The following JMJD1C variants were observed in gnomAD, a reference collection of about 807,000 sequenced individuals.
The protein encoded by JMJD1C is jumonji domain containing 1C.
Under a neutral mutation model 245.3 loss-of-function variants are expected in JMJD1C, and 31 were observed. The observed-to-expected ratio is 0.13, with a 90% CI of 0.09 to 0.17. The LOEUF is 0.17. JMJD1C is among the 10% of genes least tolerant of loss of function. JMJD1C has a pLI of 1.00. For missense variants in JMJD1C, 2,691 were observed against 3,000.2 expected (o/e 0.90, Z 2.41); for synonymous variants, 1,057 against 1,017.4 (o/e 1.04, Z -0.74).
intron 1 of JMJD1C, among the ~76,000 whole-genome samples, chr10:63,382,382 T>C (rs1345196269): frequency 6.6e-6 from 1 of 152,102 alleles, no homozygotes; most frequent in African/African-American, 2.4e-5. Context: ...AGGTAGTCAA[T>C]GGTACAAAGA....
intron 2 of JMJD1C, among the ~76,000 whole-genome samples, chr10:63,310,629 T>C (rs572087894): frequency 6.6e-6 from 1 of 152,278 alleles, no homozygotes; most frequent in African/African-American, 2.4e-5. Flanking sequence ...AAATTGACTA[T>C]CCTAAAATTT....
chr10:63,239,537 T>C (rs1373815985), intron 3 of JMJD1C, among the ~76,000 whole-genome samples: 1 of 152,078 alleles, frequency 6.6e-6, no homozygotes, highest in African/African-American at 2.4e-5. Context: ...CTCCGTTTCC[T>C]GGGTTCAAGC....
intron 22 of JMJD1C, among the ~76,000 whole-genome samples, chr10:63,182,225 G>A (rs72829173): frequency 0.051 from 7,784 of 152,186 alleles, 297 homozygotes; most frequent in African/African-American, 0.11. Flanking sequence ...AAAAGGTAGC[G>A]AACATCTGAA....
Position 63,208,800 on chromosome 10 carries a change from C to T in JMJD1C, c.2869G>A (p.Glu957Lys). ...TCCATAAAAGCTTTTCTTTCTAATT[C>T]TCTGTAAAGAAAATACACAAATATT... ...TKTLVDHHKE[E>K]LERKAFMEPL... is the part of the protein sequence containing the mutation. Residue 957 changes from glutamate (E) to lysine (K), a missense_variant and splice_region_variant, in exon 10 of 26, where the codon GAA becomes AAA. This residue lies in a region of JMJD1C where 1,562 missense variants were observed against 1,490.7 expected (regional missense o/e 1.05). Coordinates refer to ENST00000399262, the MANE Select transcript of JMJD1C (RefSeq NM_032776.3). 1 of 1,565,782 alleles carries T rather than the reference C, an allele frequency of 6.4e-7. No individual in the cohort carries two copies. The highest frequency in any genetic ancestry group is 8.6e-7 in the Non-Finnish European group (1 of 1,161,712).
chr10:63,176,620 A>T, intron 23 of JMJD1C, 147 bp from the exon 24 acceptor site: 1 of 631,894 alleles, frequency 1.6e-6, no homozygotes, highest in Non-Finnish European at 2.7e-6. Flanking sequence ...GTTAAAAAAT[A>T]ACATTCTGCA....
In JMJD1C at chr10:63,207,003, T is replaced by C. The variant is rs765394804; in HGVS notation, c.4666A>G (p.Thr1556Ala). The C allele has an allele frequency of 6.2e-7, 1 of 1,613,592 alleles. No individual in the cohort carries two copies. The highest frequency in any genetic ancestry group is 1.7e-5 in the Admixed American group (1 of 59,880). ...YHTKLKKAWL[T>A]RHSEEDKNTN... is the part of the protein sequence containing the mutation. Reference sequence around the variant, plus strand: ...TTTTTATCTTCTTCTGAGTGTCTGGTGAGCCAGGCCTTTTTCAGTTTAGTA... The same window carrying C: ...TTTTTATCTTCTTCTGAGTGTCTGGCGAGCCAGGCCTTTTTCAGTTTAGTA... Residue 1556 changes from threonine (T) to alanine (A), a missense_variant, in exon 10 of 26, where the codon ACC becomes GCC. Physicochemically the swap from Thr to Ala is moderately conservative, Grantham distance 58 (BLOSUM62 0). Transcript: ENST00000399262.
intron 1 of JMJD1C, among the ~76,000 whole-genome samples, chr10:63,432,150 C>G (rs976442913): frequency 6.6e-6 from 1 of 152,200 alleles, no homozygotes; most frequent in African/African-American, 2.4e-5. Flanking sequence ...CTGGCAAACT[C>G]TCCTCACTAC....
chr10:63,477,143 A>G (rs1254831511), intron 1 of JMJD1C, among the ~76,000 whole-genome samples: 1 of 152,174 alleles, frequency 6.6e-6, no homozygotes, highest in Admixed American at 6.5e-5. Flanking sequence ...AATAAGACTC[A>G]ATAAGATTCT....
intron 2 of JMJD1C, among the ~76,000 whole-genome samples, chr10:63,370,375 CTGAAG>C (rs1278740635): frequency 1.3e-5 from 2 of 152,206 alleles, no homozygotes; most frequent in African/African-American, 4.8e-5. Context: ...CAGTGCTATA[CTGAAG>C]TTTTATTTAT....
chr10:63,342,915 CA>C (rs1281906248), intron 2 of JMJD1C, among the ~76,000 whole-genome samples: 1 of 152,032 alleles, frequency 6.6e-6, no homozygotes, highest in African/African-American at 2.4e-5. Flanking sequence ...AAGGTGTATA[CA>C]AAATATAAAC....
At chr10:63,372,540 G>C (rs1564845036) in intron 2 of JMJD1C, among the ~76,000 whole-genome samples, 1 of 152,154 alleles carries the variant, frequency 6.6e-6, no homozygotes, top group African/African-American at 2.4e-5. Context: ...CCACAATTGG[G>C]TGATTCTGCT....
At chr10:63,434,155 A>T (rs1367370216) in intron 1 of JMJD1C, among the ~76,000 whole-genome samples, 1 of 152,184 alleles carries the variant, frequency 6.6e-6, no homozygotes, top group South Asian at 2.1e-4. Context: ...GGTACCCAAC[A>T]TGTACATTTT....
intron 1 of JMJD1C, among the ~76,000 whole-genome samples, chr10:63,485,657 T>C (rs142603982): frequency 6.0e-4 from 92 of 152,334 alleles, no homozygotes; most frequent in African/African-American, 1.8e-3. Context: ...GCATGTTTCA[T>C]TTCCAGGACT....
chr10:63,516,786 T>C (rs1458533413), intron 1 of JMJD1C, among the ~76,000 whole-genome samples: 1 of 152,228 alleles, frequency 6.6e-6, no homozygotes, highest in Non-Finnish European at 1.5e-5. Context: ...CACCATCTTT[T>C]TCTACCAATA....
intron 1 of JMJD1C, among the ~76,000 whole-genome samples, chr10:63,413,864 G>T (rs1387776354): frequency 6.6e-6 from 1 of 151,986 alleles, no homozygotes. Context: ...AAAGATAAAA[G>T]GTTCCTTGAT....
At chr10:63,268,764 G>C (rs1273896115) in intron 2 of JMJD1C, 2 of 984,590 alleles carry the variant, frequency 2.0e-6, no homozygotes, top group African/African-American at 3.5e-5. Context: ...TGTTCTGGAA[G>C]AGTATCTAGT....
At chr10:63,334,688 C>T (rs1046602568) in intron 2 of JMJD1C, among the ~76,000 whole-genome samples, 7 of 151,946 alleles carry the variant, frequency 4.6e-5, no homozygotes, top group Non-Finnish European at 1.0e-4. Context: ...GCCAATGCCC[C>T]CCAGCCTGGG....
At chr10:63,404,335 G>C (rs940931411) in intron 1 of JMJD1C, among the ~76,000 whole-genome samples, 1 of 152,180 alleles carries the variant, frequency 6.6e-6, no homozygotes, top group African/African-American at 2.4e-5. Context: ...AAAAAGCAGA[G>C]AGAGAAAAGA....
chr10:63,461,621 C>A (rs1952805584), intron 1 of JMJD1C, among the ~76,000 whole-genome samples: 1 of 152,188 alleles, frequency 6.6e-6, no homozygotes, highest in Non-Finnish European at 1.5e-5. Context: ...TTAAACTCTT[C>A]ATTCCCAGGA....
Sources: allele counts gnomAD v4.1 joint callset (sites outside exome capture counted in the v4.1 genomes callset), GRCh38; gene constraint gnomAD v4.1.1; regional missense constraint gnomAD v4.1.1; transcripts MANE v1.5; gene names NCBI Gene and HGNC (gene_info 2026-07-23, HGNC 2026-07-21).